Variants in KCNQ3 observed in about 807,000 individuals in gnomAD.
KCNQ3 encodes the protein potassium voltage-gated channel subfamily KQT member 3.
A neutral mutation model predicts 92.5 loss-of-function variants in KCNQ3; 30 were observed. That is an observed-to-expected ratio of 0.32 (90% confidence interval 0.24 to 0.44). The LOEUF (loss-of-function observed/expected upper bound fraction) is 0.44. Ranked by LOEUF, KCNQ3 falls within the 20% of genes least tolerant of loss-of-function variation. The pLI, the probability that KCNQ3 is intolerant of heterozygous loss-of-function variation, is 1.00. For missense variants in KCNQ3, 913 were observed against 1,140.3 expected (o/e 0.80, Z 2.87); for synonymous variants, 450 against 468.8 (o/e 0.96, Z 0.52).
intron 1 of KCNQ3, among the ~76,000 whole-genome samples, chr8:132,367,692 T>C (rs1463120419): frequency 6.6e-6 from 1 of 152,210 alleles, no homozygotes; most frequent in East Asian, 1.9e-4. Flanking sequence ...CAGCACTTGC[T>C]GAGTTTCACA....
intron 1 of KCNQ3, among the ~76,000 whole-genome samples, chr8:132,271,426 T>A (rs1563834430): frequency 6.6e-6 from 1 of 152,254 alleles, no homozygotes; most frequent in Non-Finnish European, 1.5e-5. Context: ...ATTTTATTTA[T>A]TTATTTAATT....
chr8:132,373,684 G>A (rs2130742224), intron 1 of KCNQ3, among the ~76,000 whole-genome samples: 1 of 152,186 alleles, frequency 6.6e-6, no homozygotes, highest in South Asian at 2.1e-4. Flanking sequence ...TGACTGCATT[G>A]AAAGAAATTA....
intron 1 of KCNQ3, among the ~76,000 whole-genome samples, chr8:132,221,215 A>C (rs1246691328): frequency 6.6e-6 from 1 of 152,218 alleles, no homozygotes; most frequent in African/African-American, 2.4e-5. Context: ...CCAGTCTACC[A>C]TTGATGGACA....
chr8:132,228,437 C>T (rs10099385), intron 1 of KCNQ3, among the ~76,000 whole-genome samples: 1 of 151,730 alleles, frequency 6.6e-6, no homozygotes, highest in East Asian at 1.9e-4. Context: ...ACTGGCAATA[C>T]CTAATTGCGA....
At chr8:132,294,518 G>A (rs1816959209) in intron 1 of KCNQ3, among the ~76,000 whole-genome samples, 1 of 152,136 alleles carries the variant, frequency 6.6e-6, no homozygotes. Context: ...CTCTTCAGTG[G>A]GAAATTCTCA....
chr8:132,452,364 C>T (rs1821841367), intron 1 of KCNQ3, among the ~76,000 whole-genome samples: 2 of 152,192 alleles, frequency 1.3e-5, no homozygotes, highest in South Asian at 4.1e-4. Context: ...TTGTGTCTGC[C>T]TTATTTCACT....
intron 1 of KCNQ3, among the ~76,000 whole-genome samples, chr8:132,313,515 T>C (rs1398472083): frequency 6.6e-6 from 1 of 152,192 alleles, no homozygotes; most frequent in Non-Finnish European, 1.5e-5. Context: ...TACAAGGGTT[T>C]AGAGTCAGCA....
Position 132,299,286 on chromosome 8 carries a change from T to C in KCNQ3, c.387-113105A>G, listed in dbSNP as rs949734804. 2.0e-5 allele frequency among the ~76,000 whole-genome samples: 3 copies of C among 152,058 alleles called. No individual in the cohort carries two copies. In the South Asian group the frequency reaches 6.2e-4, roughly 32 times the overall value. On this transcript the variant is annotated intron_variant, in intron 1 of 14. Coordinates refer to ENST00000388996, the MANE Select transcript of KCNQ3 (RefSeq NM_004519.4). ...TTCTTCCAGACATACTCTGAGCAGA[T>C]ACAAGAAAATATGCACATTTTCCCC...
In KCNQ3 at chr8:132,248,220, G is replaced by A. The variant is rs549482369; in HGVS notation, c.387-62039C>T. Among the ~76,000 whole-genome samples, 10 of 151,956 alleles carry A rather than the reference G, an allele frequency of 6.6e-5. No individual in the cohort carries two copies. The South Asian group carries it at 1.9e-3, about 29-fold the overall frequency. On this transcript the variant is annotated intron_variant, in intron 1 of 14. Transcript: ENST00000388996. ...AATTACAGCTACTATTCTGGGAAAG[G>A]GTACTGATGAAATTTTAGTCATTAG...
intron 1 of KCNQ3, among the ~76,000 whole-genome samples, chr8:132,337,514 AAAAC>A (rs201598547): frequency 2.0e-5 from 3 of 152,088 alleles, no homozygotes; most frequent in East Asian, 3.9e-4. Context: ...AACAAAAACA[AAAAC>A]AAACAAACAA....
In KCNQ3 at chr8:132,196,974, T is replaced by C. The variant is rs148012562; in HGVS notation, c.387-10793A>G. Among the ~76,000 whole-genome samples, 795 of 151,974 alleles carry C rather than the reference T, an allele frequency of 5.2e-3. 9 individuals are homozygous for C. Among genetic ancestry groups the C allele is most frequent in the African/African-American group, 0.018 (761 of 41,448 alleles). On this transcript the variant is annotated intron_variant, in intron 1 of 14. Coordinates refer to ENST00000388996, the MANE Select transcript of KCNQ3 (RefSeq NM_004519.4). ...TTGCAAGAGTGAATTTTAGCTTAGA[T>C]GGGTGAGGCCAATGACTGTGTTCCA...
At chr8:132,132,971 C>A (rs191614160) in intron 13 of KCNQ3, among the ~76,000 whole-genome samples, 2 of 152,264 alleles carry the variant, frequency 1.3e-5, no homozygotes, top group East Asian at 1.9e-4. Flanking sequence ...GCTGCTGAAT[C>A]CTGCTTAGTA....
intron 1 of KCNQ3, among the ~76,000 whole-genome samples, chr8:132,202,973 AT>A (rs1219182856): frequency 2.4e-5 from 2 of 82,090 alleles, no homozygotes; most frequent in Non-Finnish European, 5.7e-5. Flanking sequence ...TGGGCAATTT[AT>A]TTTAAAAAAA....
At chr8:132,355,305 C>A (rs1434057118) in intron 1 of KCNQ3, among the ~76,000 whole-genome samples, 1 of 151,988 alleles carries the variant, frequency 6.6e-6, no homozygotes, top group Non-Finnish European at 1.5e-5. Context: ...AAGATGCTGT[C>A]CAGGGCCTCT....
At chr8:132,370,123 C>T (rs555724340) in intron 1 of KCNQ3, among the ~76,000 whole-genome samples, 1 of 152,252 alleles carries the variant, frequency 6.6e-6, no homozygotes, top group South Asian at 2.1e-4. Context: ...TCATGGTTTC[C>T]AACGGCTGTT....
At chr8:132,340,722 G>C (rs559084371) in intron 1 of KCNQ3, among the ~76,000 whole-genome samples, 1 of 152,216 alleles carries the variant, frequency 6.6e-6, no homozygotes, top group East Asian at 1.9e-4. Flanking sequence ...CCACCATGAC[G>C]CATGTATACC....
intron 1 of KCNQ3, among the ~76,000 whole-genome samples, chr8:132,199,329 G>A (rs1431228838): frequency 6.6e-6 from 1 of 152,158 alleles, no homozygotes; most frequent in Non-Finnish European, 1.5e-5. Context: ...ATTAATACCT[G>A]AGTAAGTCTT....
At chr8:132,223,457 G>A (rs1814303930) in intron 1 of KCNQ3, among the ~76,000 whole-genome samples, 1 of 152,132 alleles carries the variant, frequency 6.6e-6, no homozygotes, top group African/African-American at 2.4e-5. Flanking sequence ...GAGAGGTGCT[G>A]GTATTTGAGT....
intron 1 of KCNQ3, among the ~76,000 whole-genome samples, chr8:132,449,948 C>CA: frequency 6.6e-6 from 1 of 152,322 alleles, no homozygotes; most frequent in Admixed American, 6.5e-5. Flanking sequence ...GCCCTCTTCC[C>CA]ACTGTGTCCA....
Sources: gnomAD v4.1 joint callset for allele counts (sites outside exome capture counted in the v4.1 genomes callset) on GRCh38, gnomAD v4.1.1 for gene constraint, MANE v1.5 for transcripts, NCBI Gene and HGNC (gene_info 2026-07-23, HGNC 2026-07-21) for gene names.